OSBPL9: variants seen among roughly 807,000 people sequenced by gnomAD.
OSBPL9 encodes the protein oxysterol-binding protein-related protein 9.
A neutral mutation model predicts 106.6 loss-of-function variants in OSBPL9; 40 were observed. The observed-to-expected ratio is 0.38, with a 90% CI of 0.29 to 0.49. The LOEUF (loss-of-function observed/expected upper bound fraction) is 0.49, where lower values mean the gene tolerates loss of function less well. OSBPL9 is among the 20% of genes least tolerant of loss of function. OSBPL9 has a pLI of 0.97. For synonymous variants in OSBPL9, 269 were observed against 295.4 expected (o/e 0.91, Z 0.92); for missense variants, 609 against 887.2 (o/e 0.69, Z 3.98).
chr1:51,776,998 T>C, intron 15 of OSBPL9, 80 bp downstream of exon 15: 1 of 1,062,544 alleles, frequency 9.4e-7, no homozygotes, highest in Non-Finnish European at 1.5e-6. Context: ...GCAGGATAGA[T>C]GGATTCCTTG....
intron 2 of OSBPL9, among the ~76,000 whole-genome samples, chr1:51,659,517 A>T (rs1260196614): frequency 6.6e-6 from 1 of 152,052 alleles, no homozygotes; most frequent in African/African-American, 2.4e-5. Flanking sequence ...ATAGCAAAGG[A>T]AATAGAAAGA....
chr1:51,561,524 T>C, the OSBPL9 span: 1 of 152,152 alleles, frequency 6.6e-6, no homozygotes, highest in Non-Finnish European at 1.5e-5. Flanking sequence ...AGAAAAAATG[T>C]AGAAAATGCA....
intron 8 of OSBPL9, among the ~76,000 whole-genome samples, chr1:51,754,048 T>G (rs1485469304): frequency 6.6e-6 from 1 of 152,228 alleles, no homozygotes; most frequent in Non-Finnish European, 1.5e-5. Context: ...ACAGCTGATG[T>G]TCTTCTCCTG....
At chr1:51,620,425 G>A (rs1025492473) in intron 1 of OSBPL9, among the ~76,000 whole-genome samples, 4 of 152,204 alleles carry the variant, frequency 2.6e-5, no homozygotes, top group Admixed American at 2.6e-4. Context: ...CCTATAATAT[G>A]TTGGGGGACA....
intron 2 of OSBPL9, among the ~76,000 whole-genome samples, chr1:51,652,984 T>C (rs1287204717): frequency 6.6e-6 from 1 of 152,208 alleles, no homozygotes; most frequent in Non-Finnish European, 1.5e-5. Context: ...TGTGAATATA[T>C]TTGGTAAACA....
chr1:51,664,096 C>T (rs977050806), intron 2 of OSBPL9, among the ~76,000 whole-genome samples: 1 of 152,104 alleles, frequency 6.6e-6, no homozygotes, highest in Non-Finnish European at 1.5e-5. Context: ...ATATGCATAT[C>T]CTGTGACCTA....
At chr1:51,554,440 A>T in the OSBPL9 span, among the ~76,000 whole-genome samples, 1 of 152,220 alleles carries the variant, frequency 6.6e-6, no homozygotes, top group Non-Finnish European at 1.5e-5. Flanking sequence ...GGAAGGCAAA[A>T]CTTCAACAAG....
intron 2 of OSBPL9, among the ~76,000 whole-genome samples, chr1:51,611,867 C>G (rs193101245): frequency 1.3e-5 from 2 of 152,206 alleles, no homozygotes; most frequent in Admixed American, 6.5e-5. Context: ...CCCAGCTACT[C>G]AGGAGGCTGA....
At chr1:51,647,092 C>A (rs991426575) in intron 1 of OSBPL9, among the ~76,000 whole-genome samples, 2 of 152,062 alleles carry the variant, frequency 1.3e-5, no homozygotes, top group Non-Finnish European at 2.9e-5. Flanking sequence ...CAAAGAAGTT[C>A]CCTTCTGTTT....
chr1:51,750,268 CA>C, intron 8 of OSBPL9, 73 bp downstream of exon 8: 7 of 996,602 alleles, frequency 7.0e-6, no homozygotes, highest in African/African-American at 1.6e-5. Context: ...TCTTTAATAG[CA>C]AAAAAACTCA....
intron 1 of OSBPL9, among the ~76,000 whole-genome samples, chr1:51,632,668 A>G (rs1645181824): frequency 6.6e-6 from 1 of 152,120 alleles, no homozygotes; most frequent in African/African-American, 2.4e-5. Flanking sequence ...ATGGGGGGAG[A>G]AGTGGCGGGG....
chr1:51,748,497 TGTTA>T, intron 7 of OSBPL9, 99 bp downstream of exon 7: 1 of 1,260,204 alleles, frequency 7.9e-7, no homozygotes, highest in Non-Finnish European at 1.0e-6. Flanking sequence ...GCAATTGAGA[TGTTA>T]GTTTTTATGA....
chr1:51,677,961 G>A (rs1274021942), intron 3 of OSBPL9, among the ~76,000 whole-genome samples: 2 of 151,722 alleles, frequency 1.3e-5, no homozygotes, highest in Non-Finnish European at 2.9e-5. Flanking sequence ...ATGGCTTGAG[G>A]CCAAGACTTA....
At chr1:51,575,211 A>G (rs1219868971), upstream of OSBPL9, among the ~76,000 whole-genome samples, 1 of 150,540 alleles carries the variant, frequency 6.6e-6, no homozygotes, top group Non-Finnish European at 1.5e-5. Context: ...TGTTTGTTTC[A>G]TTTTTTTGAG....
At chr1:51,549,628 TAGGGACC>T in the OSBPL9 span, among the ~76,000 whole-genome samples, 1,233 of 152,278 alleles carry the variant, frequency 8.1e-3, 16 homozygotes, top group African/African-American at 0.029. Context: ...GGTCAGGAGT[TAGGGACC>T]AGCCTGGCCA....
At chr1:51,553,685 AT>A in the OSBPL9 span, among the ~76,000 whole-genome samples, 319 of 147,666 alleles carry the variant, frequency 2.2e-3, 1 homozygote, top group African/African-American at 5.4e-3. Context: ...CTAAAAAAAA[AT>A]TTTTTTTTTT....
intron 9 of OSBPL9, among the ~76,000 whole-genome samples, chr1:51,758,883 A>G (rs1019094312): frequency 6.6e-6 from 1 of 152,190 alleles, no homozygotes; most frequent in Non-Finnish European, 1.5e-5. Context: ...TTGTTGAGAT[A>G]CTTGTTTAGT....
chr1:51,519,655 A>G, the OSBPL9 span, among the ~76,000 whole-genome samples: 1 of 152,192 alleles, frequency 6.6e-6, no homozygotes, highest in Non-Finnish European at 1.5e-5. Flanking sequence ...CAAAGACTAA[A>G]TGAGATAATG....
chr1:51,534,288 C>T, the OSBPL9 span, among the ~76,000 whole-genome samples: 13 of 151,138 alleles, frequency 8.6e-5, no homozygotes, highest in African/African-American at 3.2e-4. Context: ...TAATTTTATT[C>T]TCCATCATGT....
Sources: gnomAD v4.1 joint callset for allele counts (sites outside exome capture counted in the v4.1 genomes callset) on GRCh38, gnomAD v4.1.1 for gene constraint, MANE v1.5 for transcripts, NCBI Gene and HGNC (gene_info 2026-07-23, HGNC 2026-07-21) for gene names.